The following ZPR1 variants were observed in gnomAD, a reference collection of about 807,000 sequenced individuals.
ZPR1 encodes ZPR1 zinc finger, also known as zinc finger protein ZPR1.
A neutral mutation model predicts 59.6 loss-of-function variants in ZPR1; 37 were observed. That is an observed-to-expected ratio of 0.62 (90% CI 0.48 to 0.82). The LOEUF (loss-of-function observed/expected upper bound fraction) is 0.82, where lower values mean the gene tolerates loss of function less well. Among genes scored for constraint, ZPR1 ranks in the 40% least tolerant of loss-of-function variants. ZPR1 has a pLI of 0.00. For synonymous variants in ZPR1, 191 were observed against 215.2 expected, an observed-to-expected ratio of 0.89 and a Z score of 0.99; for missense variants, 527 against 579.9, an observed-to-expected ratio of 0.91 and a Z score of 0.94.
At chr11:116,782,019 A>T (rs1456580099) in intron 12 of ZPR1, 139 bp downstream of exon 12, 1 of 665,672 alleles carries the variant, frequency 1.5e-6, no homozygotes, top group East Asian at 2.8e-5. Context: ...CTCCAAAAAA[A>T]AAAAAAAGAA....
chr11:116,782,834 A>C (rs1378143938), intron 11 of ZPR1, 85 bp downstream of exon 11: 3 of 1,100,166 alleles, frequency 2.7e-6, no homozygotes, highest in Non-Finnish European at 4.2e-6. Context: ...CCAGCACCGA[A>C]AATTAGGATG....
chr11:116,779,852 G>A lies in ZPR1; in HGVS notation c.1180-15C>T. On this transcript the variant is annotated splice_polypyrimidine_tract_variant and intron_variant, in intron 12 of 13. Coordinates refer to ENST00000227322, the MANE Select transcript of ZPR1 (RefSeq NM_003904.5). ...CCTTCGATGATCTAAAGGAGAGAGA[G>A]AACACAGCAAGTAAATTTTACATAA... 1.4e-6 allele frequency: 2 copies of A among 1,431,514 alleles called. No individual in the cohort carries two copies. The highest frequency in any genetic ancestry group is 3.1e-5 in the East Asian group (1 of 32,002). The allele number at this position is 1,431,514 out of a possible 1,614,324, so 88.7% of individuals were successfully genotyped here.
chr11:116,784,829 C>A, intron 8 of ZPR1, 26 bp downstream of exon 8: 2 of 1,613,458 alleles, frequency 1.2e-6, no homozygotes, highest in South Asian at 1.1e-5. Flanking sequence ...AGATGAAGAG[C>A]AACCCAACTG....
intron 12 of ZPR1, 61 bp from the exon 13 acceptor site, chr11:116,779,898 T>TCCCTCCCCCCTCCCCCGACATA: frequency 3.4e-6 from 1 of 295,854 alleles, no homozygotes; most frequent in Non-Finnish European, 6.5e-6. Context: ...AAAGAGGCTA[T>TCCCTCCCCCCTCCCCCGACATA]GTCGGGGGAG....
rs147925802 is a variant in ZPR1 at position 116,779,051 on chromosome 11, A to G, written c.1254T>C (p.Tyr418=). 186 of 1,614,028 alleles carry G rather than the reference A, an allele frequency of 1.2e-4. No individual in the cohort carries two copies. Among genetic ancestry groups the G allele is most frequent in the Non-Finnish European group, 1.5e-4 (177 of 1,180,028 alleles). ...PAGNSYLQNV[Y]APEDDPEMKV... is the part of the protein sequence containing the mutation. ...TCATCTCAGGATCATCTTCAGGCGC[A>G]TACACATTCTGCAAGGTCAAGGAGA... Residue 418 remains tyrosine (Y), a synonymous_variant, in exon 14 of 14, where the codon TAT becomes TAC. Coordinates refer to ENST00000227322, the MANE Select transcript of ZPR1 (RefSeq NM_003904.5).
Position 116,787,910 on chromosome 11 carries a change from G to C in ZPR1, c.81C>G (p.Ala27=), listed in dbSNP as rs1333125492. The C allele has an allele frequency of 2.6e-6, 4 of 1,519,388 alleles. 1 individual carries two copies. In the South Asian group the frequency reaches 4.9e-5, roughly 18 times the overall value. 94.1% of individuals were successfully genotyped at this position (1,519,388 alleles called of 1,614,324 possible). Residue 27 remains alanine (A), a synonymous_variant, in exon 1 of 14, where the codon GCC becomes GCG. Transcript: ENST00000227322. ...APSPAPAPPP[A]PDHLFRPISA... The stretch of plus-strand genomic sequence containing the variant: ...TGATGGGCCGGAACAGGTGATCAGG[G>C]GCAGGCGGCGGGGCCGGGGCGGGCG...
intron 12 of ZPR1, among the ~76,000 whole-genome samples, chr11:116,780,691 C>T (rs1940792728): frequency 6.6e-6 from 1 of 152,144 alleles, no homozygotes; most frequent in South Asian, 2.1e-4. Context: ...ACAATTCTGG[C>T]ATTGGAGGCC....
chr11:116,783,204 A>G (rs1165434665), intron 10 of ZPR1, among the ~76,000 whole-genome samples, 175 bp from the exon 11 acceptor site: 1 of 152,204 alleles, frequency 6.6e-6, no homozygotes, highest in Non-Finnish European at 1.5e-5. Flanking sequence ...GAACCACGGG[A>G]ATAGATCCAA....
In ZPR1 at chr11:116,783,024, C is replaced by G. The variant is rs749388400; in HGVS notation, c.987G>C (p.Glu329Asp). The G allele has an allele frequency of 1.2e-6, 2 of 1,613,714 alleles. No individual in the cohort carries two copies. Among genetic ancestry groups the G allele is most frequent in the Non-Finnish European group, 1.7e-6 (2 of 1,179,586 alleles). Residue 329 changes from glutamate to aspartate, a missense_variant, in exon 11 of 14, where the codon GAG becomes GAC. Physicochemically the swap from Glu to Asp is conservative, Grantham distance 45 (BLOSUM62 2). Coordinates refer to ENST00000227322, the MANE Select transcript of ZPR1 (RefSeq NM_003904.5). ...GCTCTGGGATTTCCACACTGCAAGT[C>G]TCAGACTGTGAAATGAGAGGTCAGT... ...SDMTRDLLKS[E>D]TCSVEIPELE...
Position 116,779,760 on chromosome 11 carries a change from G to C in ZPR1, c.1245+12C>G, listed in dbSNP as rs1476708643. On this transcript the variant is annotated intron_variant, in intron 13 of 13. Transcript: ENST00000227322. ...TGTATCTCTATGAAACATCAGGGAA[G>C]GTCTACTATACCTGCAAGTAACTGT... 6.3e-7 allele frequency: 1 copy of C among 1,591,576 alleles called. No individual in the cohort carries two copies. The highest frequency in any genetic ancestry group is 8.6e-7 in the Non-Finnish European group (1 of 1,163,314).
rs984208216 is a variant in ZPR1, at chr11:116,776,082, T to A, written c.*2843A>T. The A allele has an allele frequency of 1.3e-5, 2 of 152,228 alleles. No homozygotes were observed. Among genetic ancestry groups the A allele is most frequent in the African/African-American group, 4.8e-5 (2 of 41,440 alleles). The allele number at this position is 152,228 out of a possible 1,614,324, so 9.4% of individuals were successfully genotyped here. On this transcript the variant is annotated 3_prime_UTR_variant, in exon 14 of 14. Coordinates refer to ENST00000227322, the MANE Select transcript of ZPR1 (RefSeq NM_003904.5). ...TGCCCTTCATACTTGCTCCCAACAC[T>A]CACCTCCCCTCCTCCACTCATCATG... is the stretch of plus-strand genomic sequence containing the variant.
At position 116,785,113 on chromosome 11, in the gene ZPR1, C is replaced by A; in HGVS notation, c.739G>T (p.Asp247Tyr). 4 of 1,614,152 alleles carry A rather than the reference C, an allele frequency of 2.5e-6. No individual in the cohort carries two copies. The highest frequency in any genetic ancestry group is 3.4e-6 in the Non-Finnish European group (4 of 1,180,026). Reference protein sequence around the residue: ...EAPAEKPEEEDLRNEVLQFST... With the variant: ...EAPAEKPEEEYLRNEVLQFST... ...ATGTGACTCACTTCATTTCTGAGAT[C>A]TTCCTCTTCTGGCTTCTCTGCTGGT... The change falls in exon 7 of 14, where the codon GAT becomes TAT. Residue 247 changes from aspartate to tyrosine, a missense_variant. Coordinates refer to ENST00000227322, the MANE Select transcript of ZPR1 (RefSeq NM_003904.5).
chr11:116,779,780 A>G lies in ZPR1; in HGVS notation c.1237T>C (p.Tyr413His). The stretch of plus-strand genomic sequence containing the variant: ...GGGAAGGTCTACTATACCTGCAAGT[A>G]ACTGTTTCCTGCTGGATCATCCATA... ...FIMDDPAGNS[Y>H]LQNVYAPEDD... The change falls in exon 13 of 14, where the codon TAC becomes CAC. Residue 413 changes from tyrosine (Y) to histidine (H), a missense_variant. Tyr to His is a moderately conservative substitution (Grantham distance 83). Transcript: ENST00000227322. The G allele has an allele frequency of 6.2e-7, 1 of 1,604,062 alleles. No individual in the cohort carries two copies. Among genetic ancestry groups the G allele is most frequent in the African/African-American group, 1.3e-5 (1 of 74,698 alleles).
At chr11:116,783,442 C>A in intron 10 of ZPR1, 88 bp downstream of exon 10, 1 of 1,178,190 alleles carries the variant, frequency 8.5e-7, no homozygotes, top group Non-Finnish European at 1.3e-6. Context: ...TGTCCCTGAA[C>A]ATTATTTCTA....
Position 116,778,709 on chromosome 11 carries a change from A to C in ZPR1, c.*216T>G. The C allele has an allele frequency of 1.7e-6, 1 of 597,378 alleles. No individual in the cohort carries two copies. Among genetic ancestry groups the C allele is most frequent in the South Asian group, 2.7e-5 (1 of 37,390 alleles). 37.0% of individuals were successfully genotyped at this position (597,378 alleles called of 1,614,324 possible). Reference sequence around the variant, plus strand: ...CTGGGTTTCCTCCTAGGCCAATTCAAAACTTCCAAAATAAGGTCAAGTAAC... The same window carrying C: ...CTGGGTTTCCTCCTAGGCCAATTCACAACTTCCAAAATAAGGTCAAGTAAC... On this transcript the variant is annotated 3_prime_UTR_variant, in exon 14 of 14. Coordinates refer to ENST00000227322, the MANE Select transcript of ZPR1 (RefSeq NM_003904.5).
chr11:116,778,841 C>G lies in ZPR1; in HGVS notation c.*84G>C. On this transcript the variant is annotated 3_prime_UTR_variant, in exon 14 of 14. Coordinates refer to ENST00000227322, the MANE Select transcript of ZPR1 (RefSeq NM_003904.5). ...TGGGCAAGGGCTGGTGGGAAAGACA[C>G]TCCCAGCCTTCGCCTTCATCCAATA... The G allele has an allele frequency of 3.3e-6, 5 of 1,527,860 alleles. No homozygotes were observed. The highest frequency in any genetic ancestry group is 1.4e-5 in the African/African-American group (1 of 73,154). 94.6% of individuals were successfully genotyped at this position (1,527,860 alleles called of 1,614,324 possible). A position where few individuals can be genotyped will look rare whatever the true frequency, so the allele number is the denominator to read the frequency against.
intron 7 of ZPR1, 88 bp from the exon 8 acceptor site, chr11:116,785,009 T>C: frequency 6.2e-7 from 1 of 1,603,624 alleles, no homozygotes. Flanking sequence ...AGTGGTCATC[T>C]ATGTTGGTGA....
At chr11:116,787,398 A>C in intron 2 of ZPR1, 84 bp downstream of exon 2, 2 of 1,441,436 alleles carry the variant, frequency 1.4e-6, no homozygotes, top group Non-Finnish European at 9.5e-7. Flanking sequence ...TTTATTTAAG[A>C]TCCGACCGCC....
chr11:116,779,436 T>C (rs1940771061), intron 13 of ZPR1, among the ~76,000 whole-genome samples: 1 of 152,164 alleles, frequency 6.6e-6, no homozygotes, highest in South Asian at 2.1e-4. Context: ...TTAAAGCCTA[T>C]CAGTTTCCTA....
Sources: gnomAD v4.1 joint callset for allele counts (sites outside exome capture counted in the v4.1 genomes callset) on GRCh38, gnomAD v4.1.1 for gene constraint, MANE v1.5 for transcripts, NCBI Gene and HGNC (gene_info 2026-07-23, HGNC 2026-07-21) for gene names.